INTS8: variants seen among roughly 807,000 people sequenced by gnomAD.
The protein encoded by INTS8 is integrator complex subunit 8, also known as protein kaonashi-1.
INTS8 carries 47 observed loss-of-function variants against 138.9 expected under a neutral mutation model. The observed-to-expected ratio is 0.34, with a 90% confidence interval of 0.27 to 0.43. The LOEUF is 0.43. Ranked by LOEUF, INTS8 falls within the 20% of genes least tolerant of loss-of-function variation. INTS8 has a pLI of 1.00. For missense variants in INTS8, 996 were observed against 1,173.0 expected, an observed-to-expected ratio of 0.85 and a Z score of 2.20; for synonymous variants, 392 against 400.9, an observed-to-expected ratio of 0.98 and a Z score of 0.27.
In INTS8 at chr8:94,850,014, T is replaced by C. The variant is rs755370611; in HGVS notation, c.1430T>C (p.Leu477Pro). The C allele has an allele frequency of 6.2e-7, 1 of 1,613,292 alleles. No homozygotes were observed. Among genetic ancestry groups the C allele is most frequent in the Non-Finnish European group, 8.5e-7 (1 of 1,179,426 alleles). The change falls in exon 12 of 27, where the codon CTT (leucine) becomes CCT (proline). Residue 477 changes from leucine to proline, a missense_variant. Physicochemically the swap from Leu to Pro is moderately conservative, Grantham distance 98 (BLOSUM62 -3). Coordinates refer to ENST00000523731, the MANE Select transcript of INTS8 (RefSeq NM_017864.4). Reference protein sequence around the residue: ...TLLKDEERKLLVDQMRKRSPR... With the variant: ...TLLKDEERKLPVDQMRKRSPR... ...TTGAAAGATGAAGAACGAAAGCTACTTGTTGATCAGATGAGGAAGAGATCC... is the reference window on the plus strand; with the variant it reads ...TTGAAAGATGAAGAACGAAAGCTACCTGTTGATCAGATGAGGAAGAGATCC...
intron 9 of INTS8, among the ~76,000 whole-genome samples, chr8:94,842,063 C>T (rs1040868572): frequency 3.1e-4 from 40 of 130,730 alleles, no homozygotes; most frequent in African/African-American, 1.0e-3. Context: ...AGCAAGACTC[C>T]GTCTCAAAAG....
chr8:94,860,837 C>G (rs912537069), intron 16 of INTS8, among the ~76,000 whole-genome samples: 22 of 151,814 alleles, frequency 1.4e-4, no homozygotes, highest in African/African-American at 5.3e-4. Context: ...GGGCAGATCA[C>G]GAGGTCAGGA....
At chr8:94,860,380 G>GACC (rs1384840389) in intron 16 of INTS8, 4 of 151,510 alleles carry the variant, frequency 2.6e-5, no homozygotes, top group Non-Finnish European at 5.9e-5. Flanking sequence ...AGGAGTTCAA[G>GACC]ACCAGCCTGG....
intron 6 of INTS8, among the ~76,000 whole-genome samples, chr8:94,832,482 C>G (rs1345115743): frequency 6.6e-6 from 1 of 152,080 alleles, no homozygotes; most frequent in African/African-American, 2.4e-5. Context: ...GAAATCTGAT[C>G]AGACCAAAAG....
chr8:94,848,672 T>C (rs1212681342), intron 10 of INTS8, among the ~76,000 whole-genome samples: 1 of 152,202 alleles, frequency 6.6e-6, no homozygotes. Context: ...TAATACTTAA[T>C]TGAATGGATA....
Position 94,880,965 on chromosome 8 carries a change from G to A in INTS8, c.*731G>A, listed in dbSNP as rs1816787131. 7.5e-6 allele frequency: 3 copies of A among 398,638 alleles called. No homozygotes were observed. Among genetic ancestry groups the A allele is most frequent in the Admixed American group, 4.4e-5 (1 of 22,712 alleles). 24.7% of individuals were successfully genotyped at this position (398,638 alleles called of 1,614,324 possible). On this transcript the variant is annotated 3_prime_UTR_variant, in exon 27 of 27. Transcript: ENST00000523731. ...TTATAATTTCTTTGGTACTCCCACT[G>A]TTTAGAGCACAGGTTGAACACCATG...
At chr8:94,841,616 T>C (rs376208172) in intron 9 of INTS8, 25 bp downstream of exon 9, 243 of 1,244,576 alleles carry the variant, frequency 2.0e-4, no homozygotes, top group Non-Finnish European at 2.6e-4. Context: ...AAATTACTTC[T>C]TGATTTTTGA....
chr8:94,877,342 G>A lies in INTS8; in HGVS notation c.2871+853G>A, dbSNP rs1010080227. ...TAAGGGTCTTTTAAACTTTGTACTC[G>A]GACTAAAATATATGCCCATTGTTTA... On this transcript the variant is annotated intron_variant, in intron 26 of 26. Transcript: ENST00000523731. Among the ~76,000 whole-genome samples, 9 of 152,038 alleles carry A rather than the reference G, an allele frequency of 5.9e-5. No homozygotes were observed. The East Asian group carries it at 1.2e-3, about 20-fold the overall frequency.
chr8:94,867,990 C>A (rs1485469428), intron 20 of INTS8: 1 of 152,116 alleles, frequency 6.6e-6, no homozygotes, highest in Non-Finnish European at 1.5e-5. Context: ...AAAGTGATTT[C>A]TTTTTTCATA....
chr8:94,843,290 G>A (rs1041758172), intron 10 of INTS8, among the ~76,000 whole-genome samples: 8 of 152,144 alleles, frequency 5.3e-5, no homozygotes, highest in Admixed American at 4.6e-4. Context: ...GTTAGAGCCT[G>A]GGTGCAGTGG....
In INTS8 at chr8:94,849,950, G is replaced by A; in HGVS notation, c.1366G>A (p.Val456Ile). Residue 456 changes from valine (V) to isoleucine (I), a missense_variant, in exon 12 of 27, where the codon GTT (valine) becomes ATT (isoleucine). Coordinates refer to ENST00000523731, the MANE Select transcript of INTS8 (RefSeq NM_017864.4). ...VCLGLEDLQY[V>I]FMISSHELFI... The stretch of plus-strand genomic sequence containing the variant: ...TCTGGGGTTGGAAGATCTGCAGTAT[G>A]TTTTCATGATTTCTTCACATGAGCT... 2 of 1,612,754 alleles carry A rather than the reference G, an allele frequency of 1.2e-6. No homozygotes were observed. The highest frequency in any genetic ancestry group is 1.7e-6 in the Non-Finnish European group (2 of 1,179,296).
intron 23 of INTS8, among the ~76,000 whole-genome samples, chr8:94,875,094 A>G (rs1236558744): frequency 6.6e-6 from 1 of 152,212 alleles, no homozygotes. Flanking sequence ...AAGAATTACT[A>G]TATGACCCAG....
chr8:94,873,683 C>T, intron 22 of INTS8: 1 of 489,388 alleles, frequency 2.0e-6, no homozygotes, highest in Non-Finnish European at 3.6e-6. Context: ...ACCTCAAATT[C>T]AACTTGTCCA....
chr8:94,823,912 C>T (rs11786088), intron 1 of INTS8, among the ~76,000 whole-genome samples: 28,376 of 152,168 alleles, frequency 0.19, 2,786 homozygotes, highest in Middle Eastern at 0.28. Context: ...TCCTTCAACC[C>T]CAAGCTGAAT....
intron 14 of INTS8, among the ~76,000 whole-genome samples, chr8:94,854,207 G>GAAA (rs770693182): frequency 1.8e-5 from 2 of 110,874 alleles, no homozygotes; most frequent in Non-Finnish European, 3.8e-5. Context: ...GTCCATCTCG[G>GAAA]AAAAAAAAAA....
intron 6 of INTS8, among the ~76,000 whole-genome samples, chr8:94,835,975 A>G (rs1313210891): frequency 6.6e-6 from 1 of 152,212 alleles, no homozygotes; most frequent in Admixed American, 6.5e-5. Flanking sequence ...GGGCAGGCAT[A>G]TCACGTAAGT....
At chr8:94,848,363 T>G (rs1301985048) in intron 10 of INTS8, among the ~76,000 whole-genome samples, 2 of 152,134 alleles carry the variant, frequency 1.3e-5, no homozygotes, top group Non-Finnish European at 2.9e-5. Flanking sequence ...ACCATACAGT[T>G]CACGCATTTA....
intron 6 of INTS8, among the ~76,000 whole-genome samples, chr8:94,833,031 T>C (rs1357346441): frequency 6.6e-6 from 1 of 151,798 alleles, no homozygotes; most frequent in Non-Finnish European, 1.5e-5. Context: ...TCTCTCTCTC[T>C]CTTTTTTTTT....
At chr8:94,855,118 C>T (rs575334699) in intron 14 of INTS8, among the ~76,000 whole-genome samples, 2 of 152,098 alleles carry the variant, frequency 1.3e-5, no homozygotes, top group Non-Finnish European at 2.9e-5. Flanking sequence ...GGATGGGGCC[C>T]AACATCTTTT....
Sources: allele counts gnomAD v4.1 joint callset (sites outside exome capture counted in the v4.1 genomes callset), GRCh38; gene constraint gnomAD v4.1.1; transcripts MANE v1.5; gene names NCBI Gene and HGNC (gene_info 2026-07-23, HGNC 2026-07-21).